LOXL4: variants seen among roughly 807,000 people sequenced by gnomAD.
LOXL4 encodes lysyl oxidase homolog 4.
In LOXL4, 72 loss-of-function variants were observed where a neutral mutation model predicts 89.1. The ratio of observed to expected loss-of-function variants is 0.81; its 90% CI spans 0.67 to 0.98. The LOEUF (loss-of-function observed/expected upper bound fraction) is 0.98. Ranked by LOEUF, LOXL4 falls within the 50% of genes least tolerant of loss-of-function variation. The pLI, the probability that LOXL4 is intolerant of heterozygous loss-of-function variation, is 0.00. For missense variants in LOXL4, 984 were observed against 1,017.5 expected (o/e 0.97, Z 0.45); for synonymous variants, 355 against 392.1 (o/e 0.91, Z 1.12).
At chr10:98,249,322 T>C (rs1858123982) in intron 14 of LOXL4, among the ~76,000 whole-genome samples, 1 of 152,192 alleles carries the variant, frequency 6.6e-6, no homozygotes, top group Non-Finnish European at 1.5e-5. Context: ...TCTTTTTTTG[T>C]TTGTTTGAGT....
chr10:98,249,641 C>T (rs1858130910), intron 14 of LOXL4, among the ~76,000 whole-genome samples: 1 of 152,166 alleles, frequency 6.6e-6, no homozygotes, highest in Non-Finnish European at 1.5e-5. Flanking sequence ...TTCTGTTTTC[C>T]GCACACTTCT....
intron 1 of LOXL4, among the ~76,000 whole-genome samples, chr10:98,266,375 G>A (rs1858689542): frequency 6.6e-6 from 1 of 152,152 alleles, no homozygotes. Context: ...CCCCCTATCC[G>A]ACATGCTCTG....
intron 11 of LOXL4, among the ~76,000 whole-genome samples, chr10:98,253,204 T>C (rs375004281): frequency 2.0e-5 from 3 of 152,178 alleles, no homozygotes; most frequent in East Asian, 1.9e-4. Context: ...GGCCCCCAGG[T>C]TCCTGGGAGT....
Position 98,256,936 on chromosome 10 carries a change from A to G in LOXL4, c.1272T>C (p.Ala424=). The G allele has an allele frequency of 6.2e-7, 1 of 1,614,006 alleles. No homozygotes were observed. Among genetic ancestry groups the G allele is most frequent in the Non-Finnish European group, 8.5e-7 (1 of 1,179,968 alleles). The change falls in exon 9 of 15, where the codon GCT becomes GCC. Residue 424 remains alanine (A), a synonymous_variant. Coordinates refer to ENST00000260702, the MANE Select transcript of LOXL4 (RefSeq NM_032211.7). ...NMGFQNQVRL[A]GGRIPEEGLL... ...GCCCCTCCTCAGGGATACGCCCACC[A>G]GCCAAGCGCACCTGCAATGGCGAGG... is the stretch of plus-strand genomic sequence containing the variant.
rs1220961703 is a variant in LOXL4, at chr10:98,262,060, G to A, written c.431C>T (p.Thr144Ile). 1 of 1,611,808 alleles carries A rather than the reference G, an allele frequency of 6.2e-7. No homozygotes were observed. The highest frequency in any genetic ancestry group is 8.5e-7 in the Non-Finnish European group (1 of 1,179,312). ...CTGGGGCCCAAGGGCATTGGAGACA[G>A]TTTCAGAAAGGTAGCCACGATGGCG... ...PRRHRGYLSE[T>I]VSNALGPQGR... Residue 144 changes from threonine (T) to isoleucine (I), a missense_variant, in exon 3 of 15, where the codon ACT becomes ATT. Physicochemically the swap from Thr to Ile is moderately conservative, Grantham distance 89. Transcript: ENST00000260702.
chr10:98,266,438 C>T (rs1858690888), intron 1 of LOXL4, among the ~76,000 whole-genome samples: 1 of 152,170 alleles, frequency 6.6e-6, no homozygotes, highest in African/African-American at 2.4e-5. Context: ...TGGCTGAAGT[C>T]CCTGACACAC....
Position 98,262,963 on chromosome 10 carries a change from G to C in LOXL4, c.57C>G (p.Pro19=), listed in dbSNP as rs142239686. The part of the protein sequence containing the change: ...LFLFLLLLGQ[P]PPSRPQSLGT... ...CCAGTGACTGTGGCCTGCTGGGAGGGGGCTGGCCTAGCAGCAGCAGGAACA... is the reference window on the plus strand; with the variant it reads ...CCAGTGACTGTGGCCTGCTGGGAGGCGGCTGGCCTAGCAGCAGCAGGAACA... The change falls in exon 2 of 15, where the codon CCC becomes CCG. Residue 19 remains proline, a synonymous_variant. Coordinates refer to ENST00000260702, the MANE Select transcript of LOXL4 (RefSeq NM_032211.7). 2 of 1,613,758 alleles carry C rather than the reference G, an allele frequency of 1.2e-6. No homozygotes were observed. Among genetic ancestry groups the C allele is most frequent in the African/African-American group, 1.3e-5 (1 of 75,040 alleles).
At chr10:98,258,897 C>T in intron 6 of LOXL4, 112 bp downstream of exon 6, 1 of 739,226 alleles carries the variant, frequency 1.4e-6, no homozygotes, top group South Asian at 1.9e-5. Context: ...TCTCCTCCTC[C>T]CAGTCTGGTT....
intron 7 of LOXL4, 66 bp from the exon 8 acceptor site, chr10:98,257,870 C>A: frequency 6.3e-7 from 1 of 1,581,108 alleles, no homozygotes; most frequent in Non-Finnish European, 8.6e-7. Context: ...GTGGCTTCCC[C>A]TTCACAGAGG....
In LOXL4 at chr10:98,255,614, A is replaced by AC; in HGVS notation, c.1553dup (p.Gly519TrpfsTer77). On this transcript the variant is annotated frameshift_variant, in exon 10 of 15. Transcript: ENST00000260702. LOFTEE classifies it high-confidence loss of function. Reference sequence around the variant, plus strand: ...AGACTCCAGCCAGGAAGCGCCCGCCACCGTGGGAGCAGTGCACCGGCCCGT... The same window carrying AC: ...AGACTCCAGCCAGGAAGCGCCCGCCACCCGTGGGAGCAGTGCACCGGCCCGT... 1 of 1,611,610 alleles carries AC rather than the reference A, an allele frequency of 6.2e-7. No individual in the cohort carries two copies. The highest frequency in any genetic ancestry group is 8.5e-7 in the Non-Finnish European group (1 of 1,178,084).
chr10:98,255,564 C>G lies in LOXL4; in HGVS notation c.1591+13G>C. Reference sequence around the variant, plus strand: ...CTACCTGTCCCCAGCCCTGTGAGCCCTCCGTCACTCACTGTCCATGCAGGA... The same window carrying G: ...CTACCTGTCCCCAGCCCTGTGAGCCGTCCGTCACTCACTGTCCATGCAGGA... On this transcript the variant is annotated intron_variant, in intron 10 of 14. Coordinates refer to ENST00000260702, the MANE Select transcript of LOXL4 (RefSeq NM_032211.7). 3 of 1,592,574 alleles carry G rather than the reference C, an allele frequency of 1.9e-6. No individual in the cohort carries two copies. The highest frequency in any genetic ancestry group is 1.7e-4 in the Middle Eastern group (1 of 5,990).
At chr10:98,253,506 C>T (rs1240820304) in intron 11 of LOXL4, 47 bp downstream of exon 11, 1 of 1,612,008 alleles carries the variant, frequency 6.2e-7, no homozygotes, top group South Asian at 1.1e-5. Flanking sequence ...CTGGACCCTG[C>T]TTTTTGTTCC....
intron 14 of LOXL4, among the ~76,000 whole-genome samples, chr10:98,250,085 A>G (rs868822995): frequency 9.2e-5 from 14 of 152,194 alleles, no homozygotes; most frequent in South Asian, 2.1e-4. Context: ...CCATTTTACA[A>G]AACAGAAAAC....
chr10:98,254,601 G>A (rs1320684254), intron 10 of LOXL4, among the ~76,000 whole-genome samples: 1 of 152,242 alleles, frequency 6.6e-6, no homozygotes, highest in Non-Finnish European at 1.5e-5. Context: ...AGCCAGGGAG[G>A]AAAAACAGGT....
intron 8 of LOXL4, among the ~76,000 whole-genome samples, 158 bp from the exon 9 acceptor site, chr10:98,257,105 T>C (rs892816346): frequency 6.6e-6 from 1 of 152,166 alleles, no homozygotes; most frequent in Non-Finnish European, 1.5e-5. Context: ...GTGAGGACAG[T>C]GTAGCAGGTA....
intron 14 of LOXL4, 42 bp downstream of exon 14, chr10:98,251,023 C>G (rs1325631909): frequency 1.4e-6 from 2 of 1,438,798 alleles, no homozygotes; most frequent in Non-Finnish European, 2.0e-6. Flanking sequence ...TTCCAGCTCC[C>G]TGAGCCTATA....
At chr10:98,252,828 T>C (rs952213348) in intron 11 of LOXL4, among the ~76,000 whole-genome samples, 1 of 151,876 alleles carries the variant, frequency 6.6e-6, no homozygotes, top group Non-Finnish European at 1.5e-5. Flanking sequence ...GGGAAGAGGG[T>C]CCCTGTAAGC....
At chr10:98,256,401 C>T in intron 9 of LOXL4, 1 of 258,640 alleles carries the variant, frequency 3.9e-6, no homozygotes, top group South Asian at 5.7e-5. Context: ...CTTGCCCCTG[C>T]CTCCTCTGCC....
chr10:98,262,701 A>G (rs1332481574), intron 2 of LOXL4, 42 bp downstream of exon 2: 2 of 1,589,674 alleles, frequency 1.3e-6, no homozygotes, highest in Admixed American at 1.7e-5. Flanking sequence ...GAAGACTGTT[A>G]CCATCTCCTT....
Sources: gnomAD v4.1 joint callset for allele counts (sites outside exome capture counted in the v4.1 genomes callset) on GRCh38, gnomAD v4.1.1 for gene constraint, MANE v1.5 for transcripts, NCBI Gene and HGNC (gene_info 2026-07-23, HGNC 2026-07-21) for gene names.